PKHD1L1: variants seen among roughly 807,000 people sequenced by gnomAD.
PKHD1L1 encodes the protein fibrocystin-L.
PKHD1L1 carries 434 observed loss-of-function variants against 462.9 expected under a neutral mutation model. The observed-to-expected ratio is 0.94, with a 90% CI of 0.87 to 1.02. The LOEUF is 1.02. Ranked by LOEUF, PKHD1L1 falls within the 50% of genes least tolerant of loss-of-function variation. PKHD1L1 has a pLI of 0.00. For missense variants in PKHD1L1, 5,202 were observed against 5,096.1 expected (o/e 1.02, Z -0.63); for synonymous variants, 1,781 against 1,750.0 (o/e 1.02, Z -0.44).
At chr8:109,433,929 G>T (rs919154467) in intron 28 of PKHD1L1, among the ~76,000 whole-genome samples, 4 of 152,092 alleles carry the variant, frequency 2.6e-5, no homozygotes, top group Non-Finnish European at 5.9e-5. Context: ...ATACTATGCG[G>T]CAATAAAAAA....
At chr8:109,454,568 A>T (rs1449705854) in intron 44 of PKHD1L1, among the ~76,000 whole-genome samples, 155 bp from the exon 45 acceptor site, 3 of 152,218 alleles carry the variant, frequency 2.0e-5, no homozygotes, top group Admixed American at 2.0e-4. Flanking sequence ...GCTGACTAGA[A>T]AATTAAAGGT....
At chr8:109,529,597 T>C (rs1820977043) in intron 77 of PKHD1L1, among the ~76,000 whole-genome samples, 1 of 152,142 alleles carries the variant, frequency 6.6e-6, no homozygotes, top group Admixed American at 6.5e-5. Flanking sequence ...TATAATTCTA[T>C]TCTCAAAGAA....
Position 109,436,416 on chromosome 8 carries a change from T to A in PKHD1L1, c.3584T>A (p.Val1195Glu). Residue 1195 changes from valine (V) to glutamate (E), a missense_variant, in exon 30 of 78, where the codon GTG becomes GAG. By Grantham distance (121) the Val-to-Glu change is moderately radical. Transcript: ENST00000378402. The part of the protein sequence containing the change: ...KVLVGNETCN[V>E]IEGDLNRITC... ...TTAGTTGGAAATGAAACCTGCAATG[T>A]GATTGAAGGGGATTTGAATAGGATA... The A allele has an allele frequency of 2.5e-6, 4 of 1,613,384 alleles. 1 individual carries two copies. In the African/African-American group the frequency reaches 4.0e-5, roughly 16 times the overall value.
At chr8:109,464,128 A>G (rs1192876005) in intron 48 of PKHD1L1, 88 bp from the exon 49 acceptor site, 2 of 868,300 alleles carry the variant, frequency 2.3e-6, no homozygotes, top group East Asian at 3.7e-5. Context: ...ATTAATAATA[A>G]TATAAAATTA....
In PKHD1L1 at chr8:109,527,860, A is replaced by G. The variant is rs113569098; in HGVS notation, c.12721+840A>G. Among the ~76,000 whole-genome samples, 250 of 152,292 alleles carry G rather than the reference A, an allele frequency of 1.6e-3. 2 individuals are homozygous for G. Among genetic ancestry groups the G allele is most frequent in the African/African-American group, 5.8e-3 (239 of 41,558 alleles). Reference sequence around the variant, plus strand: ...ACAGAAAGAGCTAACCTCTTTCCCAACAGTTCCAGAGAAAAGCCCCAAAGC... The same window carrying G: ...ACAGAAAGAGCTAACCTCTTTCCCAGCAGTTCCAGAGAAAAGCCCCAAAGC... On this transcript the variant is annotated intron_variant, in intron 77 of 77. Coordinates refer to ENST00000378402, the MANE Select transcript of PKHD1L1 (RefSeq NM_177531.6).
rs1228791750 is a variant in PKHD1L1 at position 109,443,885 on chromosome 8, C to A, written c.4774C>A (p.Leu1592Ile). Residue 1592 changes from leucine (L) to isoleucine (I), a missense_variant, in exon 37 of 78, where the codon CTC becomes ATC. This residue lies in a region of PKHD1L1 where 4,497 missense variants were observed against 4,336.8 expected (regional missense o/e 1.04). Coordinates refer to ENST00000378402, the MANE Select transcript of PKHD1L1 (RefSeq NM_177531.6). ...ITIIGHGFSN[L>I]PWANKVTIGS... is the part of the protein sequence containing the mutation. The stretch of plus-strand genomic sequence containing the variant: ...AATTATTGGACATGGCTTTAGTAAT[C>A]TCCCATGGGCTAATAAGGTAAGAAT... 2 of 1,608,574 alleles carry A rather than the reference C, an allele frequency of 1.2e-6. No homozygotes were observed. The highest frequency in any genetic ancestry group is 2.7e-5 in the African/African-American group (2 of 74,770).
intron 4 of PKHD1L1, among the ~76,000 whole-genome samples, chr8:109,383,349 A>G (rs1213782059): frequency 9.0e-6 from 1 of 111,176 alleles, no homozygotes; most frequent in African/African-American, 3.6e-5. Context: ...TATATATTTT[A>G]TATTATATAT....
rs577269581 is a variant in PKHD1L1, at chr8:109,368,205, C to G, written c.163+3569C>G. ...GTAAGATGGGAGAAATAACATTTTA[C>G]TTTTGGCTCCTTTTTCTAGCTATTT... On this transcript the variant is annotated intron_variant, in intron 2 of 77. Transcript: ENST00000378402. Among the ~76,000 whole-genome samples, 3 of 152,242 alleles carry G rather than the reference C, an allele frequency of 2.0e-5. No individual in the cohort carries two copies. In the South Asian group the frequency reaches 6.2e-4, roughly 32 times the overall value.
In PKHD1L1 at chr8:109,522,324, C is replaced by G. The variant is rs868246668; in HGVS notation, c.12170C>G (p.Ser4057Cys). 1 of 1,588,522 alleles carries G rather than the reference C, an allele frequency of 6.3e-7. No individual in the cohort carries two copies. The highest frequency in any genetic ancestry group is 1.4e-5 in the African/African-American group (1 of 73,478). ...AATCCCCTCCCCAGCCCAAGTGACT[C>G]TGGGTGGATTAAGGTAAGAAAATGC... Reference protein sequence around the residue: ...ITNPLPSPSDSGWIKVTAQPV... With the variant: ...ITNPLPSPSDCGWIKVTAQPV... The change falls in exon 74 of 78, where the codon TCT becomes TGT. Residue 4057 changes from serine (S) to cysteine (C), a missense_variant. This residue lies in a region of PKHD1L1 where 698 missense variants were observed against 736.3 expected (regional missense o/e 0.95). Transcript: ENST00000378402.
chr8:109,444,730 C>A lies in PKHD1L1; in HGVS notation c.4861C>A (p.Pro1621Thr). Residue 1621 changes from proline (P) to threonine (T), a missense_variant, in exon 38 of 78, where the codon CCT (proline) becomes ACT (threonine). Physicochemically the swap from Pro to Thr is conservative, Grantham distance 38. This residue lies in a region of PKHD1L1 where 4,497 missense variants were observed against 4,336.8 expected (regional missense o/e 1.04). Coordinates refer to ENST00000378402, the MANE Select transcript of PKHD1L1 (RefSeq NM_177531.6). ...GGATTCAATTACATGTCATATTGACCCTCAAAACTCAATGGATGTTGGTAT... is the reference window on the plus strand; with the variant it reads ...GGATTCAATTACATGTCATATTGACACTCAAAACTCAATGGATGTTGGTAT... ...SEDSITCHID[P>T]QNSMDVGIRE... 6.2e-7 allele frequency: 1 copy of A among 1,613,824 alleles called. No individual in the cohort carries two copies. Among genetic ancestry groups the A allele is most frequent in the South Asian group, 1.1e-5 (1 of 91,072 alleles).
rs972664767 is a variant in PKHD1L1, at chr8:109,476,518, A to G, written c.8768A>G (p.Tyr2923Cys). The change falls in exon 52 of 78, where the codon TAT becomes TGT. Residue 2923 changes from tyrosine to cysteine, a missense_variant. Physicochemically the swap from Tyr to Cys is radical, Grantham distance 194. Around this residue, in one of 3 missense-constraint regions of PKHD1L1, gnomAD observed 4,497 missense variants for 4,336.8 expected, o/e 1.04. Transcript: ENST00000378402. ...STFYGFKEED[Y>C]VIISHNFTQN... The stretch of plus-strand genomic sequence containing the variant: ...TATAAACTTTTATAGGAAGAAGACT[A>G]TGTAATTATATCACATAACTTCACT... The G allele has an allele frequency of 5.4e-6, 8 of 1,480,450 alleles. No homozygotes were observed. Among genetic ancestry groups the G allele is most frequent in the African/African-American group, 1.4e-5 (1 of 71,320 alleles). 91.7% of individuals were successfully genotyped at this position (1,480,450 alleles called of 1,614,324 possible). A position where few individuals can be genotyped will look rare whatever the true frequency, so the allele number is the denominator to read the frequency against.
chr8:109,519,170 A>G (rs1463035027), intron 73 of PKHD1L1, among the ~76,000 whole-genome samples: 5 of 152,070 alleles, frequency 3.3e-5, no homozygotes, highest in Non-Finnish European at 5.9e-5. Context: ...CCTGTGACTG[A>G]GCGAATCATC....
In PKHD1L1 at chr8:109,489,933, A is replaced by C; in HGVS notation, c.9881-19A>C. 6.8e-7 allele frequency: 1 copy of C among 1,473,470 alleles called. No homozygotes were observed. Among genetic ancestry groups the C allele is most frequent in the Non-Finnish European group, 9.4e-7 (1 of 1,062,560 alleles). 91.3% of individuals were successfully genotyped at this position (1,473,470 alleles called of 1,614,324 possible). A position where few individuals can be genotyped will look rare whatever the true frequency, so the allele number is the denominator to read the frequency against. On this transcript the variant is annotated intron_variant, in intron 59 of 77. Transcript: ENST00000378402. ...AACTGTTTTAAGAAAAACAAATTTT[A>C]AATCTTTCCCTACCTTAGGAAATGC...
At chr8:109,398,389 A>G in intron 11 of PKHD1L1, 70 bp from the exon 12 acceptor site, 1 of 986,940 alleles carries the variant, frequency 1.0e-6, no homozygotes, top group South Asian at 1.4e-5. Flanking sequence ...AAAAGTGCTT[A>G]AAGATACACT....
At chr8:109,421,710 G>C (rs1236332802) in intron 23 of PKHD1L1, among the ~76,000 whole-genome samples, 1 of 152,174 alleles carries the variant, frequency 6.6e-6, no homozygotes, top group African/African-American at 2.4e-5. Context: ...CGTGAACCCG[G>C]GAGGCGGAGC....
chr8:109,443,038 A>G lies in PKHD1L1; in HGVS notation c.4486A>G (p.Ile1496Val). The change falls in exon 36 of 78, where the codon ATT (isoleucine) becomes GTT (valine). Residue 1496 changes from isoleucine to valine, a missense_variant. Ile to Val is a conservative substitution (Grantham distance 29). Coordinates refer to ENST00000378402, the MANE Select transcript of PKHD1L1 (RefSeq NM_177531.6). The part of the protein sequence containing the change: ...EAHSIFLQGV[I>V]NVLPAETRHI... ...TCACTCCATTTTTCTCCAAGGAGTCATTAATGTTTTACCAGCTGAAACCAG... is the reference window on the plus strand; with the variant it reads ...TCACTCCATTTTTCTCCAAGGAGTCGTTAATGTTTTACCAGCTGAAACCAG... 2 of 1,613,748 alleles carry G rather than the reference A, an allele frequency of 1.2e-6. No individual in the cohort carries two copies. The highest frequency in any genetic ancestry group is 1.7e-6 in the Non-Finnish European group (2 of 1,179,690).
intron 77 of PKHD1L1, among the ~76,000 whole-genome samples, 181 bp downstream of exon 77, chr8:109,527,201 T>C (rs1040054686): frequency 2.6e-5 from 4 of 152,178 alleles, no homozygotes; most frequent in Admixed American, 6.5e-5. Flanking sequence ...TGTTGGTCTA[T>C]AAGAATGTGG....
Position 109,425,238 on chromosome 8 carries a change from TG to T in PKHD1L1, c.2845+7del. 1.3e-6 allele frequency: 2 copies of T among 1,565,704 alleles called. No individual in the cohort carries two copies. Among genetic ancestry groups the T allele is most frequent in the Non-Finnish European group, 1.7e-6 (2 of 1,161,756 alleles). On this transcript the variant is annotated splice_region_variant and intron_variant, in intron 24 of 77. Coordinates refer to ENST00000378402, the MANE Select transcript of PKHD1L1 (RefSeq NM_177531.6). ...TTATGGACATATTCTTAAAGGTATA[TG>T]AAAAAAATTTAAAATATTGGTGTAT... is the stretch of plus-strand genomic sequence containing the variant.
Position 109,444,648 on chromosome 8 carries a change from A to C in PKHD1L1, c.4792-13A>C, listed in dbSNP as rs761236454. ...TATTGACTTGTTTTATTTTGTATTC[A>C]TTTTACTTACAGGTTACAATTGGTA... On this transcript the variant is annotated splice_polypyrimidine_tract_variant and intron_variant, in intron 37 of 77. Transcript: ENST00000378402. 11 of 1,597,658 alleles carry C rather than the reference A, an allele frequency of 6.9e-6. No individual in the cohort carries two copies. In the African/African-American group the frequency reaches 9.4e-5, roughly 14 times the overall value.
Sources: gnomAD v4.1 joint callset for allele counts (sites outside exome capture counted in the v4.1 genomes callset) on GRCh38, gnomAD v4.1.1 for gene constraint, gnomAD v4.1.1 regional missense constraint, MANE v1.5 for transcripts, NCBI Gene and HGNC (gene_info 2026-07-23, HGNC 2026-07-21) for gene names.